Variants in GALNT2 observed in about 807,000 individuals in gnomAD.
The protein encoded by GALNT2 is polypeptide N-acetylgalactosaminyltransferase 2.
GALNT2 carries 31 observed loss-of-function variants against 81.4 expected under a neutral mutation model. The ratio of observed to expected loss-of-function variants is 0.38; its 90% CI spans 0.29 to 0.51. The LOEUF (loss-of-function observed/expected upper bound fraction) is 0.51. GALNT2 is among the 20% of genes least tolerant of loss of function. The probability of loss-of-function intolerance (pLI) is 0.87; values close to 1 mark genes in which losing one functional copy is unlikely to be tolerated. For synonymous variants in GALNT2, 303 were observed against 287.4 expected (o/e 1.05, Z -0.55); for missense variants, 629 against 765.7 (o/e 0.82, Z 2.11).
chr1:230,090,850 A>G (rs1451503842), intron 1 of GALNT2, among the ~76,000 whole-genome samples: 2 of 152,186 alleles, frequency 1.3e-5, no homozygotes, highest in African/African-American at 4.8e-5. Context: ...AGAGAGAATG[A>G]TCATGGGTCT....
intron 6 of GALNT2, 128 bp downstream of exon 6, chr1:230,236,853 C>T (rs771942921): frequency 9.9e-6 from 8 of 804,306 alleles, no homozygotes; most frequent in African/African-American, 1.7e-5. Context: ...CTACCAGAGC[C>T]GCTTGGGAGA....
rs1037746651 is a variant in GALNT2 at position 230,279,726 on chromosome 1, A to T, written c.*268A>T. 5.6e-6 allele frequency: 3 copies of T among 533,508 alleles called. No homozygotes were observed. Among genetic ancestry groups the T allele is most frequent in the Admixed American group, 2.4e-5 (1 of 41,126 alleles). The allele number at this position is 533,508 out of a possible 1,614,324, so 33.0% of individuals were successfully genotyped here. On this transcript the variant is annotated 3_prime_UTR_variant, in exon 16 of 16. Coordinates refer to ENST00000366672, the MANE Select transcript of GALNT2 (RefSeq NM_004481.5). This position sits in a 1 kb window ranked among gnomAD's most constrained non-coding sequence, Gnocchi z 4.6. ...AGCGCCCCTCTTCCTTCCAGCTTTC[A>T]CTTCTGCCGGCTCCGCAACTGAGTG...
At position 230,280,231 on chromosome 1, in the gene GALNT2, A is replaced by T; in HGVS notation, c.*773A>T. The T allele has an allele frequency of 5.8e-6, 2 of 345,938 alleles. No individual in the cohort carries two copies. The highest frequency in any genetic ancestry group is 1.1e-5 in the Non-Finnish European group (2 of 175,254). The allele number at this position is 345,938 out of a possible 1,614,324, so 21.4% of individuals were successfully genotyped here. A position where few individuals can be genotyped will look rare whatever the true frequency, so the allele number is the denominator to read the frequency against. The stretch of plus-strand genomic sequence containing the variant: ...GGTGGCCTTTGTCCCCTGGAGCCCG[A>T]TCAGCCAGTTGGTGCTACTGCTGTG... On this transcript the variant is annotated 3_prime_UTR_variant, in exon 16 of 16. Transcript: ENST00000366672.
At chr1:230,076,395 C>T (rs1659556185) in intron 1 of GALNT2, among the ~76,000 whole-genome samples, 1 of 152,150 alleles carries the variant, frequency 6.6e-6, no homozygotes, top group African/African-American at 2.4e-5. Flanking sequence ...CCCTGTGCAC[C>T]TTTTCCAGCA....
intron 2 of GALNT2, among the ~76,000 whole-genome samples, chr1:230,190,009 C>T (rs1442223747): frequency 1.3e-5 from 2 of 152,178 alleles, no homozygotes; most frequent in East Asian, 1.9e-4. Flanking sequence ...TGATACATGT[C>T]GTGTGAGGTG....
chr1:230,144,152 C>T (rs1435767423), intron 1 of GALNT2, among the ~76,000 whole-genome samples: 10 of 152,170 alleles, frequency 6.6e-5, no homozygotes, highest in Admixed American at 1.3e-4. Flanking sequence ...GGGTAGGAGA[C>T]GTCTCCGTGC....
At chr1:230,250,583 A>G (rs778844742) in intron 10 of GALNT2, 23 bp downstream of exon 10, 3 of 1,533,554 alleles carry the variant, frequency 2.0e-6, no homozygotes, top group Non-Finnish European at 2.7e-6. Context: ...CTCAAATCTC[A>G]GGACAGAGAA....
intron 1 of GALNT2, among the ~76,000 whole-genome samples, chr1:230,167,969 C>T (rs1488317334): frequency 6.6e-6 from 1 of 151,866 alleles, no homozygotes; most frequent in African/African-American, 2.4e-5. Context: ...ATACCCCCCC[C>T]TTTTTTTTGT....
intron 1 of GALNT2, among the ~76,000 whole-genome samples, chr1:230,131,978 C>T (rs930159627): frequency 9.9e-5 from 15 of 152,170 alleles, no homozygotes; most frequent in African/African-American, 1.4e-4. Context: ...GCTGACCAAT[C>T]GTTACCTCCT....
intron 10 of GALNT2, among the ~76,000 whole-genome samples, chr1:230,251,759 G>A (rs1172105374): frequency 2.0e-5 from 3 of 152,162 alleles, no homozygotes; most frequent in Admixed American, 1.3e-4. Context: ...TATCGTGTAG[G>A]TGGCCATTTC....
intron 2 of GALNT2, among the ~76,000 whole-genome samples, chr1:230,181,325 G>GT (rs1188808321): frequency 2.7e-5 from 4 of 150,806 alleles, no homozygotes; most frequent in Non-Finnish European, 5.9e-5. Flanking sequence ...TTGTCAAGTG[G>GT]TTTTTTTGCA....
intron 3 of GALNT2, among the ~76,000 whole-genome samples, chr1:230,212,545 A>T (rs1033532866): frequency 6.6e-6 from 1 of 152,098 alleles, no homozygotes; most frequent in African/African-American, 2.4e-5. Flanking sequence ...AGTCAGTGTG[A>T]CATCTCTGCC....
At position 230,224,320 on chromosome 1, in the gene GALNT2, G is replaced by T. The variant is rs376251550; in HGVS notation, c.375-11694G>T. Among the ~76,000 whole-genome samples the T allele has an allele frequency of 2.6e-5, 4 of 152,220 alleles. No homozygotes were observed. In the South Asian group the frequency reaches 8.3e-4, roughly 32 times the overall value. On this transcript the variant is annotated intron_variant, in intron 3 of 15. Coordinates refer to ENST00000366672, the MANE Select transcript of GALNT2 (RefSeq NM_004481.5). Reference sequence around the variant, plus strand: ...TCCCCTGGCATCGGGAGGAATGAAAGTTTAAAGGACAATAATAATTTAGTC... The same window carrying T: ...TCCCCTGGCATCGGGAGGAATGAAATTTTAAAGGACAATAATAATTTAGTC...
chr1:230,081,884 G>A (rs1263875909), intron 1 of GALNT2, among the ~76,000 whole-genome samples: 1 of 152,244 alleles, frequency 6.6e-6, no homozygotes, highest in Admixed American at 6.5e-5. Flanking sequence ...CGGAGTAGCT[G>A]TGGGACATTG....
chr1:230,241,809 T>TTCTG (rs1266200698), intron 6 of GALNT2, among the ~76,000 whole-genome samples: 1 of 152,254 alleles, frequency 6.6e-6, no homozygotes, highest in Non-Finnish European at 1.5e-5. Context: ...TGTGTGGTCT[T>TTCTG]TCTGAAGTTC....
At chr1:230,067,081 G>A (rs1659208645), upstream of GALNT2, 1 of 155,832 alleles carries the variant, frequency 6.4e-6, no homozygotes, top group Non-Finnish European at 1.4e-5. Flanking sequence ...CTGCTCTGGT[G>A]CCGCGCGGCG....
chr1:230,134,113 TTTTTTTTTTTTTTTTTGGCAG>T (rs1043477060), intron 1 of GALNT2, among the ~76,000 whole-genome samples: 1 of 109,638 alleles, frequency 9.1e-6, no homozygotes, highest in African/African-American at 3.2e-5. Flanking sequence ...CCTGAATCTG[TTTTTTTTTTTTTTTTTGGCAG>T]AGTCTCACTC....
chr1:230,161,483 G>A (rs777611957), intron 1 of GALNT2, among the ~76,000 whole-genome samples: 2 of 152,212 alleles, frequency 1.3e-5, no homozygotes, highest in African/African-American at 2.4e-5. Context: ...AAAGAAATAT[G>A]GCCACTTCCA....
chr1:230,154,919 A>G (rs928023291), intron 1 of GALNT2, among the ~76,000 whole-genome samples: 6 of 152,136 alleles, frequency 3.9e-5, no homozygotes, highest in African/African-American at 1.4e-4. Context: ...CACATTGGTA[A>G]CTTGTGGTTT....
Sources: gnomAD v4.1 joint callset for allele counts (sites outside exome capture counted in the v4.1 genomes callset) on GRCh38, gnomAD v4.1.1 for gene constraint, Gnocchi (gnomAD v3.1) non-coding constraint, MANE v1.5 for transcripts, NCBI Gene and HGNC (gene_info 2026-07-23, HGNC 2026-07-21) for gene names.